PDE4D: variants seen among roughly 807,000 people sequenced by gnomAD.
PDE4D encodes phosphodiesterase 4D, also known as 3',5'-cyclic-AMP phosphodiesterase 4D.
PDE4D carries 24 observed loss-of-function variants against 87.4 expected under a neutral mutation model. The ratio of observed to expected loss-of-function variants is 0.27; its 90% confidence interval spans 0.20 to 0.39. The LOEUF (loss-of-function observed/expected upper bound fraction) is 0.39. Ranked by LOEUF, PDE4D falls within the 10% of genes least tolerant of loss-of-function variation. The pLI is 1.00. For synonymous variants in PDE4D, 384 were observed against 383.2 expected (o/e 1.00, Z -0.02); for missense variants, 714 against 1,041.0 (o/e 0.69, Z 4.32).
At chr5:59,860,119 C>G (rs1272980571) in intron 1 of PDE4D, among the ~76,000 whole-genome samples, 1 of 151,948 alleles carries the variant, frequency 6.6e-6, no homozygotes. Context: ...GGTGATTTTC[C>G]CAGTGATTTG....
At chr5:59,176,868 A>C (rs1282056245) in intron 5 of PDE4D, among the ~76,000 whole-genome samples, 3 of 152,194 alleles carry the variant, frequency 2.0e-5, no homozygotes, top group Non-Finnish European at 4.4e-5. Context: ...GTGAATTGTG[A>C]TGAGAATAAA....
At chr5:60,106,824 C>A (rs866208431) in intron 2 of PDE4D, among the ~76,000 whole-genome samples, 1 of 151,602 alleles carries the variant, frequency 6.6e-6, no homozygotes, top group South Asian at 2.1e-4. Context: ...AACAAAGACA[C>A]AACATACCAG....
chr5:59,172,327 ATATAT>A (rs1270662109), intron 5 of PDE4D, among the ~76,000 whole-genome samples: 12 of 131,090 alleles, frequency 9.2e-5, no homozygotes, highest in African/African-American at 3.5e-4. Context: ...AAAATATATA[ATATAT>A]AATATATTAT....
chr5:59,922,264 G>T (rs1438636573), intron 3 of PDE4D, among the ~76,000 whole-genome samples: 1 of 152,156 alleles, frequency 6.6e-6, no homozygotes, highest in East Asian at 1.9e-4. Context: ...AAACTTGAAC[G>T]ACAGTCTAAG....
At chr5:59,753,552 T>C (rs1760793088) in intron 1 of PDE4D, among the ~76,000 whole-genome samples, 1 of 152,120 alleles carries the variant, frequency 6.6e-6, no homozygotes, top group South Asian at 2.1e-4. Context: ...GTAGGGTTTA[T>C]TAAAAGAGCT....
intron 1 of PDE4D, among the ~76,000 whole-genome samples, chr5:59,526,111 A>G (rs1813079802): frequency 6.6e-6 from 1 of 152,196 alleles, no homozygotes. Flanking sequence ...TGCACAATGG[A>G]GCAATGCAGC....
chr5:59,498,490 T>C (rs1275365977), intron 1 of PDE4D, among the ~76,000 whole-genome samples: 1 of 151,834 alleles, frequency 6.6e-6, no homozygotes, highest in African/African-American at 2.4e-5. Flanking sequence ...AGGCAAAAAG[T>C]GGCAAATTAG....
At chr5:59,712,185 A>T (rs298098) in intron 1 of PDE4D, among the ~76,000 whole-genome samples, 1 of 151,372 alleles carries the variant, frequency 6.6e-6, no homozygotes, top group African/African-American at 2.4e-5. Flanking sequence ...AAGTTATCCT[A>T]GAGCAGTCCA....
chr5:59,640,402 G>T (rs1180117605), intron 1 of PDE4D, among the ~76,000 whole-genome samples: 1 of 152,140 alleles, frequency 6.6e-6, no homozygotes, highest in African/African-American at 2.4e-5. Context: ...TTTATTGCCT[G>T]TTCTTTCTCT....
chr5:59,076,076 A>G (rs1054045273), intron 5 of PDE4D, among the ~76,000 whole-genome samples: 2 of 152,158 alleles, frequency 1.3e-5, no homozygotes, highest in Admixed American at 1.3e-4. Context: ...TAAAGAGACA[A>G]AAGAATACTA....
chr5:59,355,540 A>G (rs574345486), intron 1 of PDE4D, among the ~76,000 whole-genome samples: 1 of 152,334 alleles, frequency 6.6e-6, no homozygotes, highest in South Asian at 2.1e-4. Context: ...CACATTTAAC[A>G]AAATGCAAAG....
chr5:59,819,163 C>G (rs1365510564), intron 1 of PDE4D, among the ~76,000 whole-genome samples: 2 of 152,138 alleles, frequency 1.3e-5, no homozygotes, highest in Admixed American at 1.3e-4. Context: ...CCAGGCTATG[C>G]TTTTATGGAG....
intron 2 of PDE4D, among the ~76,000 whole-genome samples, chr5:60,070,827 G>A (rs1772634106): frequency 6.6e-6 from 1 of 151,842 alleles, no homozygotes; most frequent in African/African-American, 2.4e-5. Context: ...TCCTTCCTGG[G>A]AGCTTTGTAA....
chr5:60,114,003 T>C (rs1479704264), intron 2 of PDE4D, among the ~76,000 whole-genome samples: 2 of 152,138 alleles, frequency 1.3e-5, no homozygotes, highest in East Asian at 1.9e-4. Context: ...AGAGTGGCAG[T>C]ACCTAATAAC....
intron 1 of PDE4D, among the ~76,000 whole-genome samples, chr5:59,800,505 A>G (rs1032676444): frequency 6.6e-6 from 1 of 152,208 alleles, no homozygotes; most frequent in African/African-American, 2.4e-5. Flanking sequence ...TTATAGCACC[A>G]GTGTAGAGAT....
intron 1 of PDE4D, among the ~76,000 whole-genome samples, chr5:60,302,943 C>T (rs1227247144): frequency 6.6e-6 from 1 of 152,088 alleles, no homozygotes; most frequent in African/African-American, 2.4e-5. Flanking sequence ...GATTGTCCTG[C>T]CTCAGGCTCC....
intron 1 of PDE4D, among the ~76,000 whole-genome samples, chr5:59,544,255 G>A (rs1202609337): frequency 6.6e-6 from 1 of 152,190 alleles, no homozygotes; most frequent in Non-Finnish European, 1.5e-5. Context: ...TTACCCAATT[G>A]ACGCTAGTTC....
At chr5:59,564,488 G>A (rs1278799263) in intron 1 of PDE4D, among the ~76,000 whole-genome samples, 7 of 152,094 alleles carry the variant, frequency 4.6e-5, no homozygotes, top group Non-Finnish European at 8.8e-5. Flanking sequence ...GTCCAAACAC[G>A]AGTGGAAGAA....
intron 1 of PDE4D, chr5:59,275,492 T>C: frequency 1.3e-6 from 2 of 1,524,276 alleles, no homozygotes; most frequent in Non-Finnish European, 1.7e-6. Flanking sequence ...TTTAAAGATA[T>C]TCCATTTCCA....
Sources: gnomAD v4.1 joint callset for allele counts (sites outside exome capture counted in the v4.1 genomes callset) on GRCh38, gnomAD v4.1.1 for gene constraint, MANE v1.5 for transcripts, NCBI Gene and HGNC (gene_info 2026-07-23, HGNC 2026-07-21) for gene names.